CACHD1: variants seen among roughly 807,000 people sequenced by gnomAD.
CACHD1 encodes the protein cache domain containing 1, also known as VWFA and cache domain-containing protein 1.
CACHD1 carries 71 observed loss-of-function variants against 138.7 expected under a neutral mutation model. That is an observed-to-expected ratio of 0.51 (90% CI 0.42 to 0.62). The LOEUF is 0.62. CACHD1 is among the 20% of genes least tolerant of loss of function. CACHD1 has a pLI of 0.00. For missense variants in CACHD1, 1,389 were observed against 1,625.3 expected (o/e 0.85, Z 2.50); for synonymous variants, 578 against 591.5 (o/e 0.98, Z 0.33).
chr1:64,514,623 G>A (rs1398203902), intron 1 of CACHD1, among the ~76,000 whole-genome samples: 1 of 152,176 alleles, frequency 6.6e-6, no homozygotes. Flanking sequence ...CAGCAGCAAA[G>A]CTATGTGATA....
rs764948820 is a variant in CACHD1 at position 64,691,433 on chromosome 1, AC to A, written c.3704del (p.Pro1235LeufsTer7). The A allele has an allele frequency of 8.7e-6, 14 of 1,613,362 alleles. No homozygotes were observed. Among genetic ancestry groups the A allele is most frequent in the Non-Finnish European group, 1.2e-5 (14 of 1,179,886 alleles). On this transcript the variant is annotated frameshift_variant, in exon 27 of 27. Coordinates refer to ENST00000651257, the MANE Select transcript of CACHD1 (RefSeq NM_020925.4). LOFTEE classifies it high-confidence loss of function. The stretch of plus-strand genomic sequence containing the variant: ...CCATGATGAGGACTTAGACCTGGAT[AC>A]CCCCCCTCAGACTGCTGCCCTACTA... ...GNHDEDLDLD[T>X]PPQTAALLSH...
intron 2 of CACHD1, among the ~76,000 whole-genome samples, chr1:64,554,265 T>C (rs1646780551): frequency 6.6e-6 from 1 of 152,234 alleles, no homozygotes; most frequent in Non-Finnish European, 1.5e-5. Context: ...AAGGAATAAT[T>C]CCCTTAATTG....
At chr1:64,636,236 A>G (rs1039474641) in intron 7 of CACHD1, among the ~76,000 whole-genome samples, 4 of 152,208 alleles carry the variant, frequency 2.6e-5, no homozygotes, top group Non-Finnish European at 4.4e-5. Context: ...CTAAGCACTG[A>G]TTAATGCAAA....
chr1:64,495,151 GCATGTATTGGAAACCAA>G (rs1452403079), intron 1 of CACHD1, among the ~76,000 whole-genome samples: 1 of 151,946 alleles, frequency 6.6e-6, no homozygotes, highest in African/African-American at 2.4e-5. Context: ...TTCCAAGTAA[GCATGTATTGGAAACCAA>G]CCTCCCCTCC....
intron 1 of CACHD1, among the ~76,000 whole-genome samples, chr1:64,518,561 T>C (rs1286181891): frequency 6.6e-6 from 1 of 152,178 alleles, no homozygotes; most frequent in Non-Finnish European, 1.5e-5. Context: ...AGGTCTAAGA[T>C]GCAAAATTTA....
intron 12 of CACHD1, among the ~76,000 whole-genome samples, chr1:64,656,528 T>C (rs949509829): frequency 1.3e-5 from 2 of 152,178 alleles, no homozygotes; most frequent in Non-Finnish European, 1.5e-5. Flanking sequence ...TGGGAAAATA[T>C]CTGCATGGTT....
At chr1:64,551,972 T>A (rs1646762630) in intron 2 of CACHD1, among the ~76,000 whole-genome samples, 1 of 152,200 alleles carries the variant, frequency 6.6e-6, no homozygotes, top group Non-Finnish European at 1.5e-5. Context: ...GTCGTGAAAT[T>A]TAAGAGATTT....
rs376240404 is a variant in CACHD1 at position 64,623,754 on chromosome 1, A to G, written c.518-5601A>G. Among the ~76,000 whole-genome samples the G allele has an allele frequency of 1.2e-4, 18 of 152,276 alleles. 3 individuals are homozygous for G. Among genetic ancestry groups the G allele is most frequent in the Admixed American group, 5.2e-4 (8 of 15,298 alleles). On this transcript the variant is annotated intron_variant, in intron 4 of 26. Transcript: ENST00000651257. ...CACTTCACTGAGGAAAAAACCATTTATTGCCTCCTGCACATGTGTCTGTCT... is the reference window on the plus strand; with the variant it reads ...CACTTCACTGAGGAAAAAACCATTTGTTGCCTCCTGCACATGTGTCTGTCT...
At chr1:64,681,889 T>C (rs1650203232) in intron 25 of CACHD1, 116 bp from the exon 26 acceptor site, 1 of 870,078 alleles carries the variant, frequency 1.1e-6, no homozygotes, top group Middle Eastern at 2.2e-4. Flanking sequence ...TGATTTATTC[T>C]GGCTTTCCAA....
intron 1 of CACHD1, among the ~76,000 whole-genome samples, chr1:64,478,484 C>A (rs1207998475): frequency 1.3e-5 from 2 of 152,142 alleles, no homozygotes; most frequent in African/African-American, 4.8e-5. Flanking sequence ...AGAAGAGAGG[C>A]AGATTGAAGA....
intron 1 of CACHD1, among the ~76,000 whole-genome samples, chr1:64,492,489 C>T: frequency 6.6e-6 from 1 of 150,510 alleles, no homozygotes; most frequent in East Asian, 2.0e-4. Context: ...CCAAATGGCT[C>T]CTGGCTTCAG....
intron 1 of CACHD1, among the ~76,000 whole-genome samples, chr1:64,533,316 A>G (rs540126406): frequency 6.6e-6 from 1 of 152,242 alleles, no homozygotes; most frequent in Non-Finnish European, 1.5e-5. Flanking sequence ...AGATTGTGCC[A>G]TCACACTCCA....
chr1:64,496,883 A>G (rs1007514966), intron 1 of CACHD1, among the ~76,000 whole-genome samples: 3 of 151,656 alleles, frequency 2.0e-5, no homozygotes, highest in African/African-American at 7.3e-5. Flanking sequence ...AAAAAAAGAA[A>G]GAAAAAGAAA....
intron 2 of CACHD1, among the ~76,000 whole-genome samples, chr1:64,565,544 C>G (rs1470683044): frequency 6.6e-6 from 1 of 152,150 alleles, no homozygotes; most frequent in Non-Finnish European, 1.5e-5. Context: ...TGTTGTTGGT[C>G]TGACTCTACA....
intron 1 of CACHD1, among the ~76,000 whole-genome samples, chr1:64,515,026 C>A (rs1378859837): frequency 6.6e-6 from 1 of 152,148 alleles, no homozygotes; most frequent in African/African-American, 2.4e-5. Context: ...CATTGGTATG[C>A]TGCCATCCAT....
At chr1:64,641,708 T>C in intron 7 of CACHD1, 112 bp from the exon 8 acceptor site, 1 of 708,628 alleles carries the variant, frequency 1.4e-6, no homozygotes, top group Non-Finnish European at 2.3e-6. Context: ...CTAGGAACCG[T>C]GGGCTAGGCA....
At position 64,485,582 on chromosome 1, in the gene CACHD1, T is replaced by G. The variant is rs563524787; in HGVS notation, c.198+14640T>G. ...AGAACATTTGAGTTTTTGTAGTTTT[T>G]TGTTTTGTTTTGTTTTGAGACAGGG... On this transcript the variant is annotated intron_variant, in intron 1 of 26. Coordinates refer to ENST00000651257, the MANE Select transcript of CACHD1 (RefSeq NM_020925.4). 3.3e-5 allele frequency among the ~76,000 whole-genome samples: 5 copies of G among 152,264 alleles called. No homozygotes were observed. In the East Asian group the frequency reaches 9.7e-4, roughly 29 times the overall value.
At chr1:64,530,688 T>C (rs1254324601) in intron 1 of CACHD1, among the ~76,000 whole-genome samples, 7 of 151,998 alleles carry the variant, frequency 4.6e-5, no homozygotes, top group Admixed American at 6.5e-5. Flanking sequence ...CTGGCCAACA[T>C]GGTGAAACCC....
intron 21 of CACHD1, among the ~76,000 whole-genome samples, chr1:64,676,430 T>A (rs1046582094): frequency 7.2e-5 from 11 of 152,156 alleles, no homozygotes; most frequent in African/African-American, 2.4e-4. Flanking sequence ...ATAAACCCCT[T>A]CTCTAGAAAT....
Sources: gnomAD v4.1 joint callset for allele counts (sites outside exome capture counted in the v4.1 genomes callset) on GRCh38, gnomAD v4.1.1 for gene constraint, MANE v1.5 for transcripts, NCBI Gene and HGNC (gene_info 2026-07-23, HGNC 2026-07-21) for gene names.